The following ENOX1 variants were observed in gnomAD, a reference collection of about 807,000 sequenced individuals.
The protein encoded by ENOX1 is ecto-NOX disulfide-thiol exchanger 1, also known as candidate growth-related and time keeping constitutive hydroquinone (NADH) oxidase.
A neutral mutation model predicts 82.5 loss-of-function variants in ENOX1; 42 were observed. That is an observed-to-expected ratio of 0.51 (90% CI 0.40 to 0.66). The LOEUF is 0.66. Among genes scored for constraint, ENOX1 ranks in the 30% least tolerant of loss-of-function variants. ENOX1 has a pLI of 0.00. For synonymous variants in ENOX1, 271 were observed against 282.2 expected, an observed-to-expected ratio of 0.96 and a Z score of 0.40; for missense variants, 608 against 811.6, an observed-to-expected ratio of 0.75 and a Z score of 3.05.
At chr13:43,312,070 C>A (rs1449417541) in intron 11 of ENOX1, among the ~76,000 whole-genome samples, 1 of 152,040 alleles carries the variant, frequency 6.6e-6, no homozygotes, top group African/African-American at 2.4e-5. Flanking sequence ...CTTGTAATCA[C>A]AAAAAAATCA....
chr13:43,314,946 C>T (rs2153520987), intron 11 of ENOX1, among the ~76,000 whole-genome samples: 1 of 152,282 alleles, frequency 6.6e-6, no homozygotes, highest in South Asian at 2.1e-4. Context: ...AGGAAGAATA[C>T]AAACTTATTT....
chr13:43,365,035 A>C (rs1269969594), intron 5 of ENOX1, among the ~76,000 whole-genome samples: 2 of 152,162 alleles, frequency 1.3e-5, no homozygotes, highest in African/African-American at 4.8e-5. Flanking sequence ...GTGAATTTCA[A>C]CTTTGCTCTC....
chr13:43,365,208 T>G (rs536482397), intron 5 of ENOX1, among the ~76,000 whole-genome samples: 1 of 152,154 alleles, frequency 6.6e-6, no homozygotes, highest in Admixed American at 6.5e-5. Context: ...ATATTTGAGA[T>G]GAGAACTAGA....
chr13:43,743,733 C>T (rs1047292208), intron 1 of ENOX1, among the ~76,000 whole-genome samples: 5 of 152,286 alleles, frequency 3.3e-5, no homozygotes, highest in South Asian at 4.1e-4. Flanking sequence ...TGAATTTCTT[C>T]GGATTTAGCA....
intron 3 of ENOX1, among the ~76,000 whole-genome samples, chr13:43,439,817 C>T (rs1443816792): frequency 1.3e-5 from 2 of 152,228 alleles, no homozygotes; most frequent in Admixed American, 6.5e-5. Context: ...AAAACACACA[C>T]GTTCAGTCAA....
At chr13:43,630,614 A>G (rs1396162784) in intron 2 of ENOX1, among the ~76,000 whole-genome samples, 2 of 151,984 alleles carry the variant, frequency 1.3e-5, no homozygotes, top group Non-Finnish European at 2.9e-5. Context: ...CTCAATGTAG[A>G]ATAGAGGGTG....
chr13:43,387,317 T>C (rs1053190447), intron 5 of ENOX1, among the ~76,000 whole-genome samples: 1 of 152,164 alleles, frequency 6.6e-6, no homozygotes, highest in Non-Finnish European at 1.5e-5. Context: ...AAAGAACTTT[T>C]GAGTTCAGTT....
chr13:43,703,457 C>T (rs2087036504), intron 1 of ENOX1, among the ~76,000 whole-genome samples: 1 of 152,156 alleles, frequency 6.6e-6, no homozygotes, highest in Admixed American at 6.5e-5. Context: ...GGCCATAAAT[C>T]CAGGCAGCTT....
rs558665997 is a variant in ENOX1 at position 43,615,431 on chromosome 13, G to A, written c.-219+52048C>T. On this transcript the variant is annotated intron_variant, in intron 2 of 16. Coordinates refer to ENST00000690772, the MANE Select transcript of ENOX1 (RefSeq NM_001347969.2). ...ATGGCATGATGGAAACTTAAGTTCCGGGGCCCACACAGGCCCCTTCCAAGG... is the reference window on the plus strand; with the variant it reads ...ATGGCATGATGGAAACTTAAGTTCCAGGGCCCACACAGGCCCCTTCCAAGG... Among the ~76,000 whole-genome samples, 72 of 152,140 alleles carry A rather than the reference G, an allele frequency of 4.7e-4. 4 individuals carry two copies. In the South Asian group the frequency reaches 0.014, roughly 30 times the overall value.
At chr13:43,361,549 CT>C in intron 5 of ENOX1, 97 bp from the exon 6 acceptor site, 5 of 1,156,052 alleles carry the variant, frequency 4.3e-6, no homozygotes, top group Non-Finnish European at 6.0e-6. Flanking sequence ...TTTATACTTT[CT>C]ATTTTTCAGG....
chr13:43,412,060 G>A lies in ENOX1; in HGVS notation c.71-7C>T. On this transcript the variant is annotated splice_polypyrimidine_tract_variant and splice_region_variant and intron_variant, in intron 4 of 16. Coordinates refer to ENST00000690772, the MANE Select transcript of ENOX1 (RefSeq NM_001347969.2). ...CTCCCCAAACCATCGGCTGCTGTGG[G>A]GAAAAACAAACCATGATTTAGAGTC... 1 of 1,612,672 alleles carries A rather than the reference G, an allele frequency of 6.2e-7. No homozygotes were observed. Among genetic ancestry groups the A allele is most frequent in the Non-Finnish European group, 8.5e-7 (1 of 1,178,894 alleles).
intron 2 of ENOX1, among the ~76,000 whole-genome samples, chr13:43,591,539 C>A (rs965754565): frequency 1.3e-5 from 2 of 152,110 alleles, no homozygotes; most frequent in African/African-American, 2.4e-5. Context: ...GAGAAAAGTA[C>A]GTAGGAGACA....
intron 1 of ENOX1, among the ~76,000 whole-genome samples, chr13:43,699,093 C>G (rs1411073194): frequency 6.6e-6 from 1 of 152,134 alleles, no homozygotes; most frequent in Non-Finnish European, 1.5e-5. Flanking sequence ...CACTGCAAAC[C>G]TTGTAAAGGA....
chr13:43,622,312 C>G (rs1042375589), intron 2 of ENOX1, among the ~76,000 whole-genome samples: 1 of 151,998 alleles, frequency 6.6e-6, no homozygotes, highest in Non-Finnish European at 1.5e-5. Flanking sequence ...TGGGGGGTGT[C>G]GAAGAGCCTT....
intron 7 of ENOX1, among the ~76,000 whole-genome samples, chr13:43,359,237 A>G (rs1271805078): frequency 2.6e-5 from 4 of 152,198 alleles, no homozygotes; most frequent in African/African-American, 9.6e-5. Context: ...GCCAGCCCCT[A>G]ATTCTTGGGT....
chr13:43,585,591 T>C (rs1216409675), intron 2 of ENOX1, among the ~76,000 whole-genome samples: 13 of 152,218 alleles, frequency 8.5e-5, no homozygotes, highest in Non-Finnish European at 1.0e-4. Flanking sequence ...CTGTTTTTGT[T>C]TTTTGAGACG....
chr13:43,366,299 G>A (rs1300400650), intron 5 of ENOX1, among the ~76,000 whole-genome samples: 1 of 146,862 alleles, frequency 6.8e-6, no homozygotes, highest in Non-Finnish European at 1.5e-5. Context: ...TTTTTGACAT[G>A]AGTGTTGCAC....
At chr13:43,777,389 G>A (rs1319907159) in intron 1 of ENOX1, among the ~76,000 whole-genome samples, 6 of 152,078 alleles carry the variant, frequency 3.9e-5, no homozygotes, top group African/African-American at 1.4e-4. Context: ...GCGCACACAC[G>A]TACACACACA....
At chr13:43,621,811 C>G (rs1471964072) in intron 2 of ENOX1, among the ~76,000 whole-genome samples, 2 of 151,772 alleles carry the variant, frequency 1.3e-5, no homozygotes, top group East Asian at 3.9e-4. Flanking sequence ...CTAGCAAGGC[C>G]AGGGAAGTCT....
Sources: allele counts gnomAD v4.1 joint callset (sites outside exome capture counted in the v4.1 genomes callset), GRCh38; gene constraint gnomAD v4.1.1; transcripts MANE v1.5; gene names NCBI Gene and HGNC (gene_info 2026-07-23, HGNC 2026-07-21).